The following DHX29 variants were observed in gnomAD, a reference collection of about 807,000 sequenced individuals.
DHX29 encodes ATP-dependent RNA helicase DHX29.
In DHX29, 79 loss-of-function variants were observed where a neutral mutation model predicts 167.9. The ratio of observed to expected loss-of-function variants is 0.47; its 90% CI spans 0.39 to 0.57. DHX29 has a LOEUF of 0.57. DHX29 is among the 20% of genes least tolerant of loss of function. The pLI is 0.00. For missense variants in DHX29, 1,347 were observed against 1,593.4 expected, an observed-to-expected ratio of 0.85 and a Z score of 2.63; for synonymous variants, 530 against 546.0, an observed-to-expected ratio of 0.97 and a Z score of 0.41.
At chr5:55,294,460 G>T (rs1261826491) in intron 5 of DHX29, among the ~76,000 whole-genome samples, 1 of 152,174 alleles carries the variant, frequency 6.6e-6, no homozygotes, top group Non-Finnish European at 1.5e-5. Flanking sequence ...GGATCACAAG[G>T]TCAGGAGATA....
chr5:55,270,886 ATAC>A (rs1746822099), intron 18 of DHX29, among the ~76,000 whole-genome samples, 180 bp from the exon 19 acceptor site: 1 of 152,256 alleles, frequency 6.6e-6, no homozygotes, highest in Admixed American at 6.5e-5. Context: ...CATACTAAAT[ATAC>A]TACAAATTAA....
At chr5:55,257,640 A>C (rs1391530114) in intron 26 of DHX29, among the ~76,000 whole-genome samples, 1 of 152,206 alleles carries the variant, frequency 6.6e-6, no homozygotes, top group Non-Finnish European at 1.5e-5. Flanking sequence ...AGAAAGTACA[A>C]GAGTAAGTTC....
At chr5:55,281,640 TTATTA>T (rs955682470) in intron 11 of DHX29, 125 bp from the exon 12 acceptor site, 26 of 496,586 alleles carry the variant, frequency 5.2e-5, no homozygotes, top group African/African-American at 3.4e-4. Context: ...CTAGTACAAT[TTATTA>T]TATTAGTAAT....
chr5:55,303,677 C>T (rs1315045525), intron 1 of DHX29, among the ~76,000 whole-genome samples: 25 of 152,212 alleles, frequency 1.6e-4, no homozygotes, highest in Admixed American at 1.6e-3. Context: ...GCACTATCTT[C>T]TTACAACATG....
At position 55,285,740 on chromosome 5, in the gene DHX29, A is replaced by G; in HGVS notation, c.1188T>C (p.Asn396=). 1 of 1,600,404 alleles carries G rather than the reference A, an allele frequency of 6.2e-7. No homozygotes were observed. The highest frequency in any genetic ancestry group is 8.5e-7 in the Non-Finnish European group (1 of 1,170,994). Residue 396 remains asparagine, a synonymous_variant, in exon 9 of 27, where the codon AAT becomes AAC. Transcript: ENST00000251636. Reference sequence around the variant, plus strand: ...CTACTGGAACTTTTTCAAAGGAAGGATTTGGACTCTTGGGAAGATTCTTCC... The same window carrying G: ...CTACTGGAACTTTTTCAAAGGAAGGGTTTGGACTCTTGGGAAGATTCTTCC... ...WVRKNLPKSP[N]PSFEKVPVGR... is the part of the protein sequence containing the mutation.
At chr5:55,259,808 A>G in intron 26 of DHX29, 40 bp downstream of exon 26, 1 of 1,170,094 alleles carries the variant, frequency 8.5e-7, no homozygotes, top group East Asian at 2.3e-5. Context: ...ACACATACAC[A>G]TATGTGTATA....
Position 55,270,658 on chromosome 5 carries a change from A to G in DHX29, c.2913T>C (p.Ser971=). ...QMSSLVETFV[S]KASALQRQGR... is the part of the protein sequence containing the mutation. ...CCTGGCGCTGCAAAGCACTGGCTTT[A>G]CTGACAAACGTCTCCACCAAAGAAC... The change falls in exon 19 of 27, where the codon AGT becomes AGC. Residue 971 remains serine (S), a synonymous_variant. Transcript: ENST00000251636. 2 of 1,613,936 alleles carry G rather than the reference A, an allele frequency of 1.2e-6. No individual in the cohort carries two copies. The highest frequency in any genetic ancestry group is 1.7e-6 in the Non-Finnish European group (2 of 1,179,772).
intron 8 of DHX29, among the ~76,000 whole-genome samples, chr5:55,289,016 A>G (rs1747893518): frequency 6.6e-6 from 1 of 152,210 alleles, no homozygotes; most frequent in Non-Finnish European, 1.5e-5. Context: ...TATTATAGAA[A>G]GATAACTCTG....
chr5:55,258,425 C>A (rs1746153150), intron 26 of DHX29, among the ~76,000 whole-genome samples: 1 of 152,106 alleles, frequency 6.6e-6, no homozygotes. Flanking sequence ...GGAAATGTTA[C>A]AGAATAAAAT....
rs766911901 is a variant in DHX29 at position 55,283,677 on chromosome 5, A to T, written c.1491T>A (p.Asn497Lys). Residue 497 changes from asparagine (N) to lysine (K), a missense_variant, in exon 11 of 27, where the codon AAT becomes AAA. Around this residue, in one of 3 missense-constraint regions of DHX29, gnomAD observed 882 missense variants for 1,082.4 expected, o/e 0.81. Transcript: ENST00000251636. ...GCTGCTGTTGCTGCTGTTTCAGTTT[A>T]TTCAGAAGTTTGGCAATAAAAAGAT... Reference protein sequence around the residue: ...PRDLFIAKLLNKLKQQQQQQQ... With the variant: ...PRDLFIAKLLKKLKQQQQQQQ... The T allele has an allele frequency of 1.2e-6, 2 of 1,614,144 alleles. No homozygotes were observed. The highest frequency in any genetic ancestry group is 1.7e-6 in the Non-Finnish European group (2 of 1,180,020).
intron 1 of DHX29, among the ~76,000 whole-genome samples, chr5:55,299,376 G>A (rs1748488428): frequency 1.3e-5 from 2 of 152,196 alleles, no homozygotes; most frequent in African/African-American, 4.8e-5. Flanking sequence ...GGTATGCTAA[G>A]TGAAAAGGGA....
chr5:55,260,990 A>G (rs1746289539), intron 25 of DHX29, among the ~76,000 whole-genome samples: 1 of 152,174 alleles, frequency 6.6e-6, no homozygotes, highest in South Asian at 2.1e-4. Context: ...GTCAGTAACA[A>G]TCCACGTAAA....
chr5:55,296,385 C>A (rs1290187688), intron 3 of DHX29, 36 bp from the exon 4 acceptor site: 2 of 1,589,110 alleles, frequency 1.3e-6, no homozygotes, highest in Non-Finnish European at 1.7e-6. Flanking sequence ...TCACATTTGT[C>A]AAAGTTCCCT....
intron 17 of DHX29, 150 bp downstream of exon 17, chr5:55,273,143 C>A: frequency 1.5e-6 from 1 of 687,750 alleles, no homozygotes; most frequent in Non-Finnish European, 2.1e-6. Context: ...GGGTTCACTT[C>A]TGATGATGGC....
rs530896752 is a variant in DHX29 at position 55,265,508 on chromosome 5, CA to C, written c.3525+1629del. ...GATACAATCAGCCATATCCAGAATGCAGGAAACTCTACAGGACAATGTATCT... is the reference window on the plus strand; with the variant it reads ...GATACAATCAGCCATATCCAGAATGCGGAAACTCTACAGGACAATGTATCT... On this transcript the variant is annotated intron_variant, in intron 23 of 26. Transcript: ENST00000251636. Among the ~76,000 whole-genome samples the C allele has an allele frequency of 2.2e-3, 331 of 152,038 alleles. 1 individual carries two copies. Among genetic ancestry groups the C allele is most frequent in the Non-Finnish European group, 4.1e-3 (277 of 67,972 alleles).
Position 55,274,680 on chromosome 5 carries a change from G to T in DHX29, c.2624C>A (p.Pro875Gln). 5 of 1,603,772 alleles carry T rather than the reference G, an allele frequency of 3.1e-6. No homozygotes were observed. The highest frequency in any genetic ancestry group is 1.3e-5 in the African/African-American group (1 of 74,354). Reference protein sequence around the residue: ...NIEGAVLIFLPGLAHIQQLYD... With the variant: ...NIEGAVLIFLQGLAHIQQLYD... ...CAACTGCTGAATATGAGCAAGTCCT[G>T]GTAAAAAGATCAATACTGCTCCTTC... Residue 875 changes from proline to glutamine, a missense_variant, in exon 16 of 27, where the codon CCA (proline) becomes CAA (glutamine). Around this residue, in one of 3 missense-constraint regions of DHX29, gnomAD observed 882 missense variants for 1,082.4 expected, o/e 0.81. Coordinates refer to ENST00000251636, the MANE Select transcript of DHX29 (RefSeq NM_019030.4).
At chr5:55,293,172 A>G (rs1216955017) in intron 6 of DHX29, among the ~76,000 whole-genome samples, 1 of 152,160 alleles carries the variant, frequency 6.6e-6, no homozygotes, top group African/African-American at 2.4e-5. Context: ...AACTTCTACC[A>G]TTTGCTTGTT....
chr5:55,277,013 T>C (rs1361440053), intron 13 of DHX29, 93 bp downstream of exon 13: 15 of 856,598 alleles, frequency 1.8e-5, no homozygotes, highest in Non-Finnish European at 2.8e-5. Flanking sequence ...CTAGGAATAG[T>C]TCTGGCCTCT....
intron 19 of DHX29, 42 bp from the exon 20 acceptor site, chr5:55,270,529 T>C: frequency 6.2e-7 from 1 of 1,613,350 alleles, no homozygotes; most frequent in East Asian, 2.2e-5. Context: ...ATCAGAAATG[T>C]CACACAATAC....
Sources: allele counts gnomAD v4.1 joint callset (sites outside exome capture counted in the v4.1 genomes callset), GRCh38; gene constraint gnomAD v4.1.1; regional missense constraint gnomAD v4.1.1; transcripts MANE v1.5; gene names NCBI Gene and HGNC (gene_info 2026-07-23, HGNC 2026-07-21).